Variants in KIAA1328 observed in about 807,000 individuals in gnomAD.
KIAA1328 encodes protein hinderin.
Under a neutral mutation model 68.1 loss-of-function variants are expected in KIAA1328, and 52 were observed. The ratio of observed to expected loss-of-function variants is 0.76; its 90% confidence interval spans 0.61 to 0.96. The LOEUF is 0.96. KIAA1328 is among the 40% of genes least tolerant of loss of function. The probability of loss-of-function intolerance (pLI) is 0.00; values close to 1 mark genes in which losing one functional copy is unlikely to be tolerated. For synonymous variants in KIAA1328, 232 were observed against 239.4 expected (o/e 0.97, Z 0.28); for missense variants, 641 against 677.6 (o/e 0.95, Z 0.60).
intron 5 of KIAA1328, among the ~76,000 whole-genome samples, chr18:36,912,641 A>G (rs572249462): frequency 6.6e-6 from 1 of 152,240 alleles, no homozygotes; most frequent in South Asian, 2.1e-4. Context: ...TCTACATGCA[A>G]AATATATTCA....
At chr18:36,907,293 T>G (rs1245279990) in intron 5 of KIAA1328, among the ~76,000 whole-genome samples, 1 of 152,096 alleles carries the variant, frequency 6.6e-6, no homozygotes, top group African/African-American at 2.4e-5. Flanking sequence ...TTTTCTTGCC[T>G]TGTTGCACTA....
At chr18:37,097,072 A>C (rs1000123783) in intron 7 of KIAA1328, among the ~76,000 whole-genome samples, 1 of 152,018 alleles carries the variant, frequency 6.6e-6, no homozygotes, top group Non-Finnish European at 1.5e-5. Context: ...GAAGCTCTTT[A>C]GTTTGATTAG....
At chr18:36,983,472 C>A (rs529081988) in intron 6 of KIAA1328, among the ~76,000 whole-genome samples, 1 of 151,992 alleles carries the variant, frequency 6.6e-6, no homozygotes, top group Admixed American at 6.6e-5. Context: ...TTCATTACCA[C>A]CTTCTCAATG....
At chr18:36,945,111 A>G (rs2050852902) in intron 5 of KIAA1328, among the ~76,000 whole-genome samples, 1 of 152,182 alleles carries the variant, frequency 6.6e-6, no homozygotes, top group Admixed American at 6.5e-5. Flanking sequence ...GGGCTAACTT[A>G]TGTAGTATTC....
At chr18:37,037,351 G>A (rs941594125) in intron 6 of KIAA1328, among the ~76,000 whole-genome samples, 2 of 151,932 alleles carry the variant, frequency 1.3e-5, no homozygotes, top group African/African-American at 2.4e-5. Flanking sequence ...AGGCCATAAG[G>A]GTTCATTTAG....
chr18:37,198,646 C>T (rs1433042340), intron 9 of KIAA1328, among the ~76,000 whole-genome samples: 1 of 152,140 alleles, frequency 6.6e-6, no homozygotes, highest in Non-Finnish European at 1.5e-5. Flanking sequence ...TCCTAAGAAG[C>T]ACAAAGAAAG....
intron 6 of KIAA1328, among the ~76,000 whole-genome samples, chr18:36,972,971 A>G (rs999237498): frequency 1.3e-5 from 2 of 152,320 alleles, no homozygotes; most frequent in Middle Eastern, 3.4e-3. Flanking sequence ...GAATATATCA[A>G]TTTTGTGTTG....
At chr18:37,062,851 A>T (rs758733700) in intron 6 of KIAA1328, among the ~76,000 whole-genome samples, 4 of 152,116 alleles carry the variant, frequency 2.6e-5, no homozygotes, top group Admixed American at 2.6e-4. Flanking sequence ...AGGCAATTTG[A>T]GTAATGTGCT....
chr18:36,846,433 GGCTT>G (rs2150819269), intron 4 of KIAA1328, among the ~76,000 whole-genome samples: 1 of 151,374 alleles, frequency 6.6e-6, no homozygotes, highest in South Asian at 2.1e-4. Context: ...CAAGCATACT[GGCTT>G]GCTTATCAAT....
chr18:37,217,392 A>G (rs323489), intron 9 of KIAA1328, among the ~76,000 whole-genome samples: 121,598 of 152,036 alleles, frequency 0.8, 49,168 homozygotes, highest in African/African-American at 0.92. Context: ...GCATTTGCTT[A>G]TCTATAAAGG....
rs371767825 is a variant in KIAA1328 at position 36,881,702 on chromosome 18, CAT to C, written c.333-3850_333-3849del. ...TCTAGATATCTCATAAAAATGGAAT[CAT>C]ATATGTGATCTTTTGAAACCAGTTT... On this transcript the variant is annotated intron_variant, in intron 4 of 9. Coordinates refer to ENST00000280020, the MANE Select transcript of KIAA1328 (RefSeq NM_020776.3). 6.0e-4 allele frequency among the ~76,000 whole-genome samples: 92 copies of C among 152,272 alleles called. 1 individual carries two copies. The South Asian group carries it at 0.019, about 31-fold the overall frequency.
At chr18:37,068,713 T>TA (rs1247452628) in intron 7 of KIAA1328, among the ~76,000 whole-genome samples, 2 of 152,216 alleles carry the variant, frequency 1.3e-5, no homozygotes, top group Non-Finnish European at 2.9e-5. Context: ...ATCTTCTAGA[T>TA]ATATGTCTTT....
chr18:36,925,712 T>A (rs2050089834), intron 5 of KIAA1328, among the ~76,000 whole-genome samples: 1 of 149,136 alleles, frequency 6.7e-6, no homozygotes, highest in East Asian at 2.0e-4. Context: ...CAATTTTTAA[T>A]TTTTTTTTTA....
At chr18:37,052,281 A>G (rs1380954717) in intron 6 of KIAA1328, among the ~76,000 whole-genome samples, 1 of 152,206 alleles carries the variant, frequency 6.6e-6, no homozygotes, top group Admixed American at 6.5e-5. Flanking sequence ...AGCTTTCAAT[A>G]AAATCCAACA....
intron 1 of KIAA1328, chr18:36,832,657 G>A (rs948383282): frequency 2.0e-5 from 3 of 151,204 alleles, no homozygotes; most frequent in Non-Finnish European, 4.4e-5. Context: ...AAGGTTGTTG[G>A]ACAACACCTC....
At chr18:36,844,375 T>C in intron 4 of KIAA1328, 73 bp downstream of exon 4, 1 of 935,670 alleles carries the variant, frequency 1.1e-6, no homozygotes, top group Non-Finnish European at 1.6e-6. Context: ...AAATTGCAAA[T>C]ATATTTTGAT....
intron 7 of KIAA1328, chr18:37,084,091 C>T (rs1311925615): frequency 1.5e-6 from 2 of 1,323,854 alleles, no homozygotes; most frequent in East Asian, 2.8e-5. Flanking sequence ...TCAGGCTTCA[C>T]AAGATTAGAA....
chr18:37,159,315 C>T (rs560810987), intron 7 of KIAA1328, among the ~76,000 whole-genome samples: 1 of 152,152 alleles, frequency 6.6e-6, no homozygotes, highest in Non-Finnish European at 1.5e-5. Flanking sequence ...CTCCATTCAG[C>T]TTGTTCTTGT....
At chr18:36,883,951 A>ATTATATATATATATAT in intron 4 of KIAA1328, among the ~76,000 whole-genome samples, 1 of 73,056 alleles carries the variant, frequency 1.4e-5, no homozygotes, top group African/African-American at 8.9e-5. Flanking sequence ...ATATTTATAA[A>ATTATATATATATATAT]GTATATATAT....
Sources: gnomAD v4.1 joint callset for allele counts (sites outside exome capture counted in the v4.1 genomes callset) on GRCh38, gnomAD v4.1.1 for gene constraint, MANE v1.5 for transcripts, NCBI Gene and HGNC (gene_info 2026-07-23, HGNC 2026-07-21) for gene names.